The following GMDS variants were observed in gnomAD, a reference collection of about 807,000 sequenced individuals.
The protein encoded by GMDS is GDP-mannose 4,6 dehydratase.
In GMDS, 20 loss-of-function variants were observed where a neutral mutation model predicts 49.9. The observed-to-expected ratio is 0.40, with a 90% CI of 0.28 to 0.58. GMDS has a LOEUF of 0.58. Ranked by LOEUF, GMDS falls within the 20% of genes least tolerant of loss-of-function variation. The probability of loss-of-function intolerance (pLI) is 0.42; values close to 1 mark genes in which losing one functional copy is unlikely to be tolerated. For missense variants in GMDS, 362 were observed against 481.4 expected (o/e 0.75, Z 2.32); for synonymous variants, 177 against 178.6 (o/e 0.99, Z 0.07).
chr6:1,965,351 T>C (rs1764204480), intron 4 of GMDS, among the ~76,000 whole-genome samples: 1 of 152,212 alleles, frequency 6.6e-6, no homozygotes, highest in African/African-American at 2.4e-5. Flanking sequence ...TGCAGATTTT[T>C]AGGTAACTGC....
chr6:1,713,152 T>C (rs1202025741), intron 9 of GMDS, among the ~76,000 whole-genome samples: 1 of 152,242 alleles, frequency 6.6e-6, no homozygotes, highest in East Asian at 1.9e-4. Context: ...GACTCTGTTT[T>C]ATGTTTTGCC....
chr6:1,624,827 CTT>C (rs551321002), intron 9 of GMDS: 1,386 of 83,212 alleles, frequency 0.017, 26 homozygotes, highest in African/African-American at 0.046. Flanking sequence ...GCTCTTAATG[CTT>C]TTTTTTTTTT....
intron 1 of GMDS, among the ~76,000 whole-genome samples, chr6:2,162,180 A>T (rs1178851634): frequency 2.6e-5 from 4 of 152,206 alleles, no homozygotes; most frequent in Non-Finnish European, 5.9e-5. Flanking sequence ...TTTTAAAAAT[A>T]AAGGAAGTCC....
chr6:1,830,951 G>T (rs528772150), intron 7 of GMDS, among the ~76,000 whole-genome samples: 47 of 152,222 alleles, frequency 3.1e-4, no homozygotes, highest in African/African-American at 1.1e-3. Flanking sequence ...GAAACTATTT[G>T]CCCAAAGCAT....
Position 1,635,847 on chromosome 6 carries a change from G to A in GMDS, c.988-11307C>T, listed in dbSNP as rs1445868766. 6.6e-6 allele frequency among the ~76,000 whole-genome samples: 1 copy of A among 152,192 alleles called. No individual in the cohort carries two copies. The highest frequency in any genetic ancestry group is 1.5e-5 in the Non-Finnish European group (1 of 68,030). On this transcript the variant is annotated intron_variant, in intron 9 of 10. Coordinates refer to ENST00000380815, the MANE Select transcript of GMDS (RefSeq NM_001500.4). This position sits in a 1 kb window ranked among gnomAD's most constrained non-coding sequence, Gnocchi z 4.7. Reference sequence around the variant, plus strand: ...CCCACAGCCACTCCAGGCAAGCAGGGCCCAGCCTCGGCACCTCCAGCACTG... The same window carrying A: ...CCCACAGCCACTCCAGGCAAGCAGGACCCAGCCTCGGCACCTCCAGCACTG...
intron 7 of GMDS, among the ~76,000 whole-genome samples, chr6:1,764,678 T>C (rs779558460): frequency 1.3e-5 from 2 of 152,210 alleles, no homozygotes; most frequent in Non-Finnish European, 2.9e-5. Context: ...GATAATTCCA[T>C]GGGGCTGTTA....
chr6:1,967,161 C>G (rs1265580301), intron 4 of GMDS, among the ~76,000 whole-genome samples: 1 of 152,188 alleles, frequency 6.6e-6, no homozygotes, highest in Non-Finnish European at 1.5e-5. Context: ...CCCGTCCTTG[C>G]CATTCTATCC....
intron 1 of GMDS, among the ~76,000 whole-genome samples, chr6:2,159,633 C>T (rs551032685): frequency 1.3e-5 from 2 of 151,262 alleles, no homozygotes; most frequent in East Asian, 3.9e-4. Context: ...ATGCTCCTGC[C>T]TCAGCCTCCC....
chr6:1,790,668 A>G (rs1042119106), intron 7 of GMDS, among the ~76,000 whole-genome samples: 3 of 152,190 alleles, frequency 2.0e-5, no homozygotes, highest in African/African-American at 7.2e-5. Flanking sequence ...ATGTTTTTCT[A>G]TAGTAGCTAT....
intron 7 of GMDS, among the ~76,000 whole-genome samples, chr6:1,926,023 G>A (rs186809665): frequency 6.6e-6 from 1 of 152,252 alleles, no homozygotes; most frequent in African/African-American, 2.4e-5. Flanking sequence ...TGGCTGGGGC[G>A]GAGAGAGGAG....
At chr6:1,886,276 G>A (rs533438443) in intron 7 of GMDS, among the ~76,000 whole-genome samples, 11 of 151,856 alleles carry the variant, frequency 7.2e-5, no homozygotes, top group Non-Finnish European at 1.5e-4. Context: ...TAATTCTGTC[G>A]GAATTTTACT....
chr6:1,724,378 C>G (rs937960919), intron 9 of GMDS, among the ~76,000 whole-genome samples: 9 of 152,076 alleles, frequency 5.9e-5, no homozygotes, highest in African/African-American at 2.2e-4. Flanking sequence ...GGGGTCGATG[C>G]GGATTCAAGA....
intron 7 of GMDS, among the ~76,000 whole-genome samples, chr6:1,923,644 C>T (rs1054605160): frequency 4.6e-5 from 7 of 152,176 alleles, no homozygotes; most frequent in African/African-American, 1.4e-4. Flanking sequence ...CTCACTCACG[C>T]GCTCCCTCCT....
intron 4 of GMDS, among the ~76,000 whole-genome samples, chr6:2,005,383 C>G (rs1033433430): frequency 6.6e-6 from 1 of 152,148 alleles, no homozygotes; most frequent in Non-Finnish European, 1.5e-5. Context: ...ACAATTGCCG[C>G]TTTATGATTT....
At position 2,229,257 on chromosome 6, in the gene GMDS, G is replaced by GAA. The variant is rs760915848; in HGVS notation, c.102+16063_102+16064insTT. ...TTTCTTTCGTCCTAGTACAGATAAG[G>GAA]GTGGTTCAAAAAGACTCAAAAGTTT... On this transcript the variant is annotated intron_variant, in intron 1 of 10. Coordinates refer to ENST00000380815, the MANE Select transcript of GMDS (RefSeq NM_001500.4). Among the ~76,000 whole-genome samples the GAA allele has an allele frequency of 2.3e-4, 35 of 152,162 alleles. 1 individual carries two copies. Among genetic ancestry groups the GAA allele is most frequent in the Middle Eastern group, 3.4e-3 (1 of 294 alleles).
chr6:1,745,593 T>C lies in GMDS; in HGVS notation c.772-3007A>G, dbSNP rs886382721. Among the ~76,000 whole-genome samples the C allele has an allele frequency of 2.6e-5, 4 of 152,344 alleles. No homozygotes were observed. The South Asian group carries it at 8.3e-4, about 32-fold the overall frequency. ...AGGGATCAGTCAGGGCCTCTCCTTT[T>C]ACTAGAGCAAGAGCCAAGAATCTGC... is the stretch of plus-strand genomic sequence containing the variant. On this transcript the variant is annotated intron_variant, in intron 7 of 10. Coordinates refer to ENST00000380815, the MANE Select transcript of GMDS (RefSeq NM_001500.4).
At position 2,238,335 on chromosome 6, in the gene GMDS, AT is replaced by A. The variant is rs796610961; in HGVS notation, c.102+6985del. On this transcript the variant is annotated intron_variant, in intron 1 of 10. Coordinates refer to ENST00000380815, the MANE Select transcript of GMDS (RefSeq NM_001500.4). ...GAGTTCAAAGCTGCAGCGAGCTATG[AT>A]TGCACCACTGCACTTCAAACTCCAG... Among the ~76,000 whole-genome samples the A allele has an allele frequency of 1.5e-4, 23 of 152,238 alleles. No individual in the cohort carries two copies. The South Asian group carries it at 2.9e-3, about 19-fold the overall frequency.
chr6:1,972,238 TTAAAC>T (rs753403192), intron 4 of GMDS, among the ~76,000 whole-genome samples: 87 of 150,448 alleles, frequency 5.8e-4, no homozygotes, highest in Non-Finnish European at 1.0e-3. Flanking sequence ...AAAACAAATA[TTAAAC>T]TAAGTCTCCT....
chr6:2,145,168 G>A (rs538648976), intron 1 of GMDS, among the ~76,000 whole-genome samples: 1 of 152,326 alleles, frequency 6.6e-6, no homozygotes, highest in South Asian at 2.1e-4. Context: ...TAAGCACTAA[G>A]TATAGTGTAA....
Sources: gnomAD v4.1 joint callset for allele counts (sites outside exome capture counted in the v4.1 genomes callset) on GRCh38, gnomAD v4.1.1 for gene constraint, Gnocchi (gnomAD v3.1) non-coding constraint, MANE v1.5 for transcripts, NCBI Gene and HGNC (gene_info 2026-07-23, HGNC 2026-07-21) for gene names.